Variants in RUNX2 observed in about 807,000 individuals in gnomAD.
RUNX2 encodes RUNX family transcription factor 2.
RUNX2 carries 10 observed loss-of-function variants against 51.7 expected under a neutral mutation model. The ratio of observed to expected loss-of-function variants is 0.19; its 90% CI spans 0.12 to 0.33. The LOEUF (loss-of-function observed/expected upper bound fraction) is 0.33, where lower values mean the gene tolerates loss of function less well. Among genes scored for constraint, RUNX2 ranks in the 10% least tolerant of loss-of-function variants. The probability of loss-of-function intolerance (pLI) is 1.00; values close to 1 mark genes in which losing one functional copy is unlikely to be tolerated. For synonymous variants in RUNX2, 276 were observed against 273.6 expected (o/e 1.01, Z -0.09); for missense variants, 562 against 691.3 (o/e 0.81, Z 2.10).
At chr6:45,351,071 C>CATA (rs1037820461) in intron 2 of RUNX2, among the ~76,000 whole-genome samples, 26 of 152,124 alleles carry the variant, frequency 1.7e-4, no homozygotes, top group African/African-American at 6.3e-4. Flanking sequence ...ATCCCAAAAC[C>CATA]ATACGCCCCA....
chr6:45,454,052 C>A (rs1336979780), intron 5 of RUNX2, among the ~76,000 whole-genome samples: 1 of 152,156 alleles, frequency 6.6e-6, no homozygotes, highest in Non-Finnish European at 1.5e-5. Context: ...AGGAGAGATG[C>A]CTCTTCCTTT....
intron 2 of RUNX2, among the ~76,000 whole-genome samples, chr6:45,409,847 A>G (rs921341325): frequency 2.6e-5 from 4 of 152,234 alleles, no homozygotes; most frequent in African/African-American, 9.6e-5. Flanking sequence ...GATGACTAAG[A>G]CTAATCCCTG....
chr6:45,536,989 G>A (rs1008544434), intron 7 of RUNX2, among the ~76,000 whole-genome samples: 2 of 152,084 alleles, frequency 1.3e-5, no homozygotes, highest in Non-Finnish European at 2.9e-5. Flanking sequence ...AATCTTTTCG[G>A]TTTCCTTCTT....
At chr6:45,452,590 C>T (rs1219375779) in intron 5 of RUNX2, among the ~76,000 whole-genome samples, 1 of 152,150 alleles carries the variant, frequency 6.6e-6, no homozygotes. Context: ...AGTACACCTG[C>T]ACATGGTTTG....
Position 45,491,969 on chromosome 6 carries a change from A to G in RUNX2, c.714A>G (p.Lys238=). Residue 238 remains lysine, a synonymous_variant, in exon 6 of 9, where the codon AAA becomes AAG. Transcript: ENST00000647337. ...ACAGACAGAAGCTTGATGACTCTAA[A>G]CCTAGTTTGTTCTCTGACCGCCTCA... is the stretch of plus-strand genomic sequence containing the variant. ...RRHRQKLDDS[K]PSLFSDRLSD... 2 of 1,613,746 alleles carry G rather than the reference A, an allele frequency of 1.2e-6. No individual in the cohort carries two copies. Among genetic ancestry groups the G allele is most frequent in the Non-Finnish European group, 1.7e-6 (2 of 1,179,868 alleles).
chr6:45,418,239 G>A (rs556820048), intron 2 of RUNX2, among the ~76,000 whole-genome samples: 1 of 152,204 alleles, frequency 6.6e-6, no homozygotes, highest in Non-Finnish European at 1.5e-5. Flanking sequence ...TATGGGTTCT[G>A]TTCCCAGTCA....
intron 5 of RUNX2, among the ~76,000 whole-genome samples, chr6:45,490,682 T>G (rs781541088): frequency 3.2e-4 from 48 of 152,338 alleles, no homozygotes; most frequent in Admixed American, 1.1e-3. Context: ...ACTCCCAGGC[T>G]TGAAGGCTTT....
At position 45,444,560 on chromosome 6, in the gene RUNX2, A is replaced by G. The variant is rs565099265; in HGVS notation, c.685+6509A>G. Among the ~76,000 whole-genome samples the G allele has an allele frequency of 4.6e-5, 7 of 152,320 alleles. No individual in the cohort carries two copies. The East Asian group carries it at 1.3e-3, about 29-fold the overall frequency. On this transcript the variant is annotated intron_variant, in intron 5 of 8. Coordinates refer to ENST00000647337, the MANE Select transcript of RUNX2 (RefSeq NM_001024630.4). ...AGTATAGGGTACTGTTGGTATTTCT[A>G]GGCTTGCCTTAGTATCCTGCTTCAC...
At chr6:45,530,492 C>T (rs1157808027) in intron 7 of RUNX2, among the ~76,000 whole-genome samples, 2 of 152,172 alleles carry the variant, frequency 1.3e-5, no homozygotes, top group African/African-American at 4.8e-5. Context: ...TTATTGCATT[C>T]CCCCACAGTA....
chr6:45,335,790 G>A (rs1426594345), intron 2 of RUNX2, among the ~76,000 whole-genome samples: 1 of 151,084 alleles, frequency 6.6e-6, no homozygotes, highest in African/African-American at 2.4e-5. Flanking sequence ...ACATTAGGCA[G>A]GATAAATGGT....
intron 2 of RUNX2, among the ~76,000 whole-genome samples, chr6:45,399,273 G>A (rs1042382820): frequency 6.7e-6 from 1 of 150,176 alleles, no homozygotes; most frequent in Admixed American, 6.6e-5. Flanking sequence ...TCCCAAAGTG[G>A]CTTCTTTTTC....
chr6:45,335,694 A>C (rs1390087571), intron 2 of RUNX2, among the ~76,000 whole-genome samples: 1 of 151,312 alleles, frequency 6.6e-6, no homozygotes, highest in Non-Finnish European at 1.5e-5. Flanking sequence ...AGCATTTCAT[A>C]CTAAGAACCT....
At chr6:45,474,460 CT>C (rs1022294408) in intron 5 of RUNX2, among the ~76,000 whole-genome samples, 11 of 149,788 alleles carry the variant, frequency 7.3e-5, no homozygotes, top group African/African-American at 2.7e-4. Flanking sequence ...TGGATTTTAT[CT>C]TTTTTTTTGA....
chr6:45,494,773 A>G (rs1244487198), intron 6 of RUNX2, among the ~76,000 whole-genome samples: 1 of 152,194 alleles, frequency 6.6e-6, no homozygotes, highest in African/African-American at 2.4e-5. Flanking sequence ...AATAGGTTCA[A>G]TTTTTTAATC....
At chr6:45,521,573 T>C (rs1293614745) in intron 7 of RUNX2, among the ~76,000 whole-genome samples, 1 of 152,226 alleles carries the variant, frequency 6.6e-6, no homozygotes, top group Non-Finnish European at 1.5e-5. Context: ...GAGAAAATGA[T>C]AGAAATTATG....
Position 45,548,765 on chromosome 6 carries a change from G to T in RUNX2, c.*1460G>T, listed in dbSNP as rs540154506. ...CAATTATGAGACACCTAGTACAGGA[G>T]AGCAAAATTGCACCAGAGATTCTTA... On this transcript the variant is annotated 3_prime_UTR_variant, in exon 9 of 9. Coordinates refer to ENST00000647337, the MANE Select transcript of RUNX2 (RefSeq NM_001024630.4). 2.2e-5 allele frequency: 4 copies of T among 178,800 alleles called. No individual in the cohort carries two copies. The highest frequency in any genetic ancestry group is 9.4e-5 in the African/African-American group (4 of 42,616). 11.1% of individuals were successfully genotyped at this position (178,800 alleles called of 1,614,324 possible). A position where few individuals can be genotyped will look rare whatever the true frequency, so the allele number is the denominator to read the frequency against.
chr6:45,497,081 A>G (rs1800670049), intron 6 of RUNX2, among the ~76,000 whole-genome samples: 1 of 152,088 alleles, frequency 6.6e-6, no homozygotes, highest in South Asian at 2.1e-4. Flanking sequence ...AAAAGAAGAT[A>G]CTAAGAAAGA....
At chr6:45,365,326 T>G in intron 2 of RUNX2, 1 of 1,503,994 alleles carries the variant, frequency 6.6e-7, no homozygotes, top group South Asian at 1.2e-5. Context: ...GAAATAAAGC[T>G]TACAAAATGT....
At chr6:45,503,691 G>C (rs1401565254) in intron 6 of RUNX2, among the ~76,000 whole-genome samples, 1 of 152,126 alleles carries the variant, frequency 6.6e-6, no homozygotes, top group Non-Finnish European at 1.5e-5. Flanking sequence ...TATGACATGT[G>C]GTATAGCCTC....
Sources: allele counts gnomAD v4.1 joint callset (sites outside exome capture counted in the v4.1 genomes callset), GRCh38; gene constraint gnomAD v4.1.1; transcripts MANE v1.5; gene names NCBI Gene and HGNC (gene_info 2026-07-23, HGNC 2026-07-21).